Variants in ROS1 observed in about 807,000 individuals in gnomAD.
ROS1 encodes proto-oncogene tyrosine-protein kinase ROS.
ROS1 carries 263 observed loss-of-function variants against 273.5 expected under a neutral mutation model. The ratio of observed to expected loss-of-function variants is 0.96; its 90% confidence interval spans 0.87 to 1.06. The LOEUF (loss-of-function observed/expected upper bound fraction) is 1.06, where lower values mean the gene tolerates loss of function less well. ROS1 is among the 50% of genes least tolerant of loss of function. The pLI is 0.00. For missense variants in ROS1, 2,833 were observed against 2,751.1 expected (o/e 1.03, Z -0.67); for synonymous variants, 1,008 against 954.1 (o/e 1.06, Z -1.04).
chr6:117,303,004 C>T (rs1285023956), intron 42 of ROS1, among the ~76,000 whole-genome samples: 2 of 152,170 alleles, frequency 1.3e-5, no homozygotes, highest in African/African-American at 4.8e-5. Context: ...GCTCTATTCA[C>T]TGCCTTTTTT....
At chr6:117,398,094 G>A (rs968529505) in intron 7 of ROS1, among the ~76,000 whole-genome samples, 1 of 152,088 alleles carries the variant, frequency 6.6e-6, no homozygotes, top group Admixed American at 6.6e-5. Context: ...TCGGCTCCAT[G>A]TAGTCAGTCA....
Position 117,324,384 on chromosome 6 carries a change from T to A in ROS1, c.5571A>T (p.Ile1857=), listed in dbSNP as rs2128575045. The change falls in exon 35 of 44, where the codon ATA becomes ATT. Residue 1857 remains isoleucine (I), a synonymous_variant. Coordinates refer to ENST00000368507, the MANE Select transcript of ROS1 (RefSeq NM_001378902.1). ...DDFWIPETSF[I]LTIIVGIFLV... ...GAAATATTCCAACTATAATAGTAAG[T>A]ATGAAACTTGTTTCTGGTATCCAAA... 6.6e-7 allele frequency: 1 copy of A among 1,515,900 alleles called. No homozygotes were observed. Among genetic ancestry groups the A allele is most frequent in the South Asian group, 1.2e-5 (1 of 85,748 alleles). The allele number at this position is 1,515,900 out of a possible 1,614,324, so 93.9% of individuals were successfully genotyped here. A position where few individuals can be genotyped will look rare whatever the true frequency, so the allele number is the denominator to read the frequency against.
chr6:117,298,246 A>T (rs1774406333), intron 43 of ROS1, among the ~76,000 whole-genome samples: 1 of 152,172 alleles, frequency 6.6e-6, no homozygotes, highest in African/African-American at 2.4e-5. Context: ...ATAAGAAATT[A>T]CTTAATGGGT....
At chr6:117,328,957 CA>C (rs1776849327) in intron 33 of ROS1, 4 of 578,166 alleles carry the variant, frequency 6.9e-6, no homozygotes, top group Non-Finnish European at 1.4e-5. Context: ...AGAGAGTATT[CA>C]CCTTGCTAAA....
intron 33 of ROS1, among the ~76,000 whole-genome samples, 195 bp downstream of exon 33, chr6:117,329,134 A>C (rs1776863509): frequency 6.6e-6 from 1 of 152,238 alleles, no homozygotes; most frequent in South Asian, 2.1e-4. Flanking sequence ...GAATGACGTG[A>C]TCTGTTTATA....
intron 18 of ROS1, among the ~76,000 whole-genome samples, chr6:117,371,771 G>C (rs888593226): frequency 6.6e-6 from 1 of 152,124 alleles, no homozygotes; most frequent in African/African-American, 2.4e-5. Context: ...TGTGGGAGTT[G>C]GGCGAGGCCG....
At chr6:117,381,775 C>G (rs1668328141) in intron 17 of ROS1, among the ~76,000 whole-genome samples, 1 of 152,082 alleles carries the variant, frequency 6.6e-6, no homozygotes, top group African/African-American at 2.4e-5. Context: ...AGTGGGATTG[C>G]TGGATCGAAT....
intron 18 of ROS1, among the ~76,000 whole-genome samples, chr6:117,372,332 A>G (rs561387238): frequency 2.5e-4 from 38 of 152,218 alleles, no homozygotes; most frequent in Non-Finnish European, 4.4e-4. Context: ...TAACATGATC[A>G]TATATCTAGA....
chr6:117,367,948 G>A lies in ROS1; in HGVS notation c.2583-1658C>T, dbSNP rs1278101632. On this transcript the variant is annotated intron_variant, in intron 18 of 43. Coordinates refer to ENST00000368507, the MANE Select transcript of ROS1 (RefSeq NM_001378902.1). ...GAATTTTTTCTCCCCATTGAACCACGCCTTCCTCCTACTCTTGGTTAGTCA... is the reference window on the plus strand; with the variant it reads ...GAATTTTTTCTCCCCATTGAACCACACCTTCCTCCTACTCTTGGTTAGTCA... Among the ~76,000 whole-genome samples the A allele has an allele frequency of 2.6e-5, 4 of 152,090 alleles. 1 individual carries two copies. Among genetic ancestry groups the A allele is most frequent in the Admixed American group, 2.0e-4 (3 of 15,294 alleles).
rs571992496 is a variant in ROS1 at position 117,360,124 on chromosome 6, C to T, written c.3431-113G>A. ...AGTCCATGGGCTCCCTTTGGTTCCT[C>T]TAATAGATCTTTCTCAGTGATAACC... On this transcript the variant is annotated intron_variant, in intron 23 of 43. Coordinates refer to ENST00000368507, the MANE Select transcript of ROS1 (RefSeq NM_001378902.1). 5 of 831,054 alleles carry T rather than the reference C, an allele frequency of 6.0e-6. No homozygotes were observed. In the African/African-American group the frequency reaches 8.6e-5, roughly 14 times the overall value. The allele number at this position is 831,054 out of a possible 1,614,324, so 51.5% of individuals were successfully genotyped here. A position where few individuals can be genotyped will look rare whatever the true frequency, so the allele number is the denominator to read the frequency against.
intron 31 of ROS1, among the ~76,000 whole-genome samples, chr6:117,339,102 C>A (rs1777704356): frequency 6.6e-6 from 1 of 152,136 alleles, no homozygotes; most frequent in Non-Finnish European, 1.5e-5. Flanking sequence ...AGATCTAGAT[C>A]AAGCTTGTCC....
At chr6:117,340,204 A>G (rs1274707383) in intron 31 of ROS1, among the ~76,000 whole-genome samples, 1 of 152,154 alleles carries the variant, frequency 6.6e-6, no homozygotes, top group Non-Finnish European at 1.5e-5. Context: ...CTCAACAGAA[A>G]AAGTCCAATG....
chr6:117,344,805 C>T (rs573989048), intron 27 of ROS1, among the ~76,000 whole-genome samples: 1 of 152,148 alleles, frequency 6.6e-6, no homozygotes, highest in Non-Finnish European at 1.5e-5. Flanking sequence ...CTGGCCACCG[C>T]TTACAACCAA....
chr6:117,370,273 C>G (rs1339581208), intron 18 of ROS1, among the ~76,000 whole-genome samples: 1 of 152,164 alleles, frequency 6.6e-6, no homozygotes. Context: ...AGAGCACTGA[C>G]ACATCCTAAA....
At chr6:117,407,604 A>C (rs1465545954) in intron 5 of ROS1, among the ~76,000 whole-genome samples, 1 of 152,154 alleles carries the variant, frequency 6.6e-6, no homozygotes, top group Non-Finnish European at 1.5e-5. Context: ...ATTCAATACA[A>C]TATGCCTATA....
At chr6:117,396,297 C>T (rs867114522) in intron 8 of ROS1, 33 bp from the exon 9 acceptor site, 4 of 1,434,522 alleles carry the variant, frequency 2.8e-6, no homozygotes, top group Non-Finnish European at 3.9e-6. Context: ...AGACGTGTTT[C>T]ACATGGCATG....
chr6:117,365,948 C>T (rs760087855), intron 19 of ROS1, 128 bp downstream of exon 19: 2 of 891,210 alleles, frequency 2.2e-6, no homozygotes, highest in South Asian at 1.7e-5. Context: ...TGCAAGCAAA[C>T]CAATTGAAAT....
At chr6:117,366,358 T>C in intron 18 of ROS1, 68 bp from the exon 19 acceptor site, 1 of 1,062,468 alleles carries the variant, frequency 9.4e-7, no homozygotes, top group South Asian at 1.3e-5. Flanking sequence ...ATGCAAGTAG[T>C]CATGAGAATA....
intron 18 of ROS1, among the ~76,000 whole-genome samples, chr6:117,367,371 T>G (rs1339791013): frequency 1.3e-5 from 2 of 152,328 alleles, no homozygotes; most frequent in East Asian, 3.9e-4. Flanking sequence ...CTCTTAAATG[T>G]GGTAGCCATG....
Sources: allele counts gnomAD v4.1 joint callset (sites outside exome capture counted in the v4.1 genomes callset), GRCh38; gene constraint gnomAD v4.1.1; transcripts MANE v1.5; gene names NCBI Gene and HGNC (gene_info 2026-07-23, HGNC 2026-07-21).